The following BNC2 variants were observed in gnomAD, a reference collection of about 807,000 sequenced individuals.
The protein encoded by BNC2 is zinc finger protein basonuclin-2.
A neutral mutation model predicts 76.3 loss-of-function variants in BNC2; 20 were observed. The observed-to-expected ratio is 0.26, with a 90% CI of 0.18 to 0.38. BNC2 has a LOEUF of 0.38. Ranked by LOEUF, BNC2 falls within the 10% of genes least tolerant of loss-of-function variation. The pLI is 1.00. For missense variants in BNC2, 1,382 were observed against 1,399.8 expected (o/e 0.99, Z 0.20); for synonymous variants, 582 against 514.8 (o/e 1.13, Z -1.77).
intron 5 of BNC2, among the ~76,000 whole-genome samples, chr9:16,470,599 G>A (rs1459685882): frequency 2.0e-5 from 3 of 152,182 alleles, no homozygotes; most frequent in Non-Finnish European, 4.4e-5. Flanking sequence ...TTGGTGCCCT[G>A]TATCCCAGCC....
chr9:16,545,975 C>T (rs770237206), intron 5 of BNC2, among the ~76,000 whole-genome samples: 2 of 152,192 alleles, frequency 1.3e-5, no homozygotes, highest in African/African-American at 2.4e-5. Flanking sequence ...CTGTGTTATG[C>T]CACTAGTAGT....
At chr9:16,813,084 G>C (rs981613419) in intron 1 of BNC2, among the ~76,000 whole-genome samples, 5 of 151,844 alleles carry the variant, frequency 3.3e-5, no homozygotes, top group East Asian at 2.0e-4. Flanking sequence ...TGACGCCCCA[G>C]CTACTTGGAA....
intron 1 of BNC2, among the ~76,000 whole-genome samples, chr9:16,810,480 G>C (rs1221171280): frequency 6.6e-6 from 1 of 152,216 alleles, no homozygotes; most frequent in African/African-American, 2.4e-5. Flanking sequence ...CAATGACAAT[G>C]AGTCTGTGAA....
chr9:16,856,277 T>TCACA (rs5896710), intron 1 of BNC2, among the ~76,000 whole-genome samples: 18,448 of 148,128 alleles, frequency 0.12, 1,865 homozygotes, highest in East Asian at 0.51. Flanking sequence ...TCTCTCTCTC[T>TCACA]CACACACACA....
chr9:16,541,657 G>C (rs921894079), intron 5 of BNC2, among the ~76,000 whole-genome samples: 2 of 152,134 alleles, frequency 1.3e-5, no homozygotes, highest in Admixed American at 1.3e-4. Context: ...CTTAAAAAGA[G>C]GCAAATGAAT....
chr9:16,602,836 G>A (rs754030381), intron 3 of BNC2, among the ~76,000 whole-genome samples: 1 of 152,184 alleles, frequency 6.6e-6, no homozygotes, highest in Non-Finnish European at 1.5e-5. Context: ...ACTGCATCCA[G>A]GAACATGGAT....
chr9:16,606,747 G>C (rs965425554), intron 3 of BNC2, among the ~76,000 whole-genome samples: 1 of 152,096 alleles, frequency 6.6e-6, no homozygotes, highest in Non-Finnish European at 1.5e-5. Flanking sequence ...TAGCAGAGAC[G>C]AGGTTTCGCC....
intron 4 of BNC2, among the ~76,000 whole-genome samples, chr9:16,569,252 T>C (rs1247898483): frequency 1.3e-5 from 2 of 152,060 alleles, no homozygotes; most frequent in Admixed American, 6.6e-5. Context: ...CATCTCTTAA[T>C]ACATGAGGGA....
intron 6 of BNC2, among the ~76,000 whole-genome samples, chr9:16,430,237 C>A (rs1820882472): frequency 6.6e-6 from 1 of 151,656 alleles, no homozygotes; most frequent in South Asian, 2.1e-4. Flanking sequence ...AGTCAGAGGA[C>A]CTGCACAACT....
chr9:16,639,534 T>C (rs546475164), intron 3 of BNC2, among the ~76,000 whole-genome samples: 1 of 152,320 alleles, frequency 6.6e-6, no homozygotes, highest in Admixed American at 6.5e-5. Context: ...TCGTTAATTC[T>C]CATATCAAAT....
chr9:16,757,239 G>A (rs1295404251), intron 1 of BNC2, among the ~76,000 whole-genome samples: 1 of 152,152 alleles, frequency 6.6e-6, no homozygotes, highest in Non-Finnish European at 1.5e-5. Flanking sequence ...TTAAAAGCAT[G>A]TAGATTTACC....
intron 1 of BNC2, among the ~76,000 whole-genome samples, chr9:16,778,468 T>C (rs1826030366): frequency 1.3e-5 from 2 of 152,140 alleles, no homozygotes; most frequent in Admixed American, 1.3e-4. Context: ...CATGATGACC[T>C]AAGCCACTTC....
At chr9:16,589,422 G>T (rs1322736366) in intron 3 of BNC2, among the ~76,000 whole-genome samples, 2 of 152,028 alleles carry the variant, frequency 1.3e-5, no homozygotes, top group Non-Finnish European at 2.9e-5. Flanking sequence ...CTAAGCTCAA[G>T]CGATTTGCCC....
intron 1 of BNC2, among the ~76,000 whole-genome samples, chr9:16,815,233 C>G (rs911942362): frequency 6.6e-5 from 10 of 152,100 alleles, no homozygotes; most frequent in Non-Finnish European, 1.3e-4. Flanking sequence ...AGATTAAGTA[C>G]AGCTGGAGTG....
intron 5 of BNC2, among the ~76,000 whole-genome samples, chr9:16,534,028 T>G (rs1818060455): frequency 6.6e-6 from 1 of 152,202 alleles, no homozygotes; most frequent in Non-Finnish European, 1.5e-5. Context: ...GTAGACTTTG[T>G]GACCATCAGC....
chr9:16,438,109 C>CT (rs367974553), intron 5 of BNC2, among the ~76,000 whole-genome samples: 8,798 of 149,204 alleles, frequency 0.059, 299 homozygotes, highest in Middle Eastern at 0.1. Flanking sequence ...TAAACTGTAT[C>CT]TTTTTTTTTT....
chr9:16,556,193 T>C (rs28602416), intron 4 of BNC2, among the ~76,000 whole-genome samples: 3 of 151,526 alleles, frequency 2.0e-5, no homozygotes, highest in Non-Finnish European at 1.5e-5. Context: ...GGGAGGCTGA[T>C]GGGGGAGGAC....
In BNC2 at chr9:16,583,100, A is replaced by T; in HGVS notation, c.331-15T>A. The T allele has an allele frequency of 6.2e-7, 1 of 1,600,124 alleles. No homozygotes were observed. Among genetic ancestry groups the T allele is most frequent in the Non-Finnish European group, 8.6e-7 (1 of 1,167,508 alleles). On this transcript the variant is annotated splice_polypyrimidine_tract_variant and intron_variant, in intron 3 of 6. Coordinates refer to ENST00000380672, the MANE Select transcript of BNC2 (RefSeq NM_017637.6). ...CAACGGATGGCCTGAAAAATAAAGGAGGAAAAAAAGGTCAGCATCTGTTCA... is the reference window on the plus strand; with the variant it reads ...CAACGGATGGCCTGAAAAATAAAGGTGGAAAAAAAGGTCAGCATCTGTTCA...
At chr9:16,677,732 C>T (rs1388569235) in intron 3 of BNC2, among the ~76,000 whole-genome samples, 1 of 152,084 alleles carries the variant, frequency 6.6e-6, no homozygotes, top group African/African-American at 2.4e-5. Flanking sequence ...GAGAGGGTAA[C>T]CCAGAGCTGC....
Sources: allele counts gnomAD v4.1 joint callset (sites outside exome capture counted in the v4.1 genomes callset), GRCh38; gene constraint gnomAD v4.1.1; transcripts MANE v1.5; gene names NCBI Gene and HGNC (gene_info 2026-07-23, HGNC 2026-07-21).